The following SEC31B variants were observed in gnomAD, a reference collection of about 807,000 sequenced individuals.
SEC31B encodes the protein SEC31 homolog B, COPII component, also known as protein transport protein Sec31B.
Under a neutral mutation model 135.0 loss-of-function variants are expected in SEC31B, and 113 were observed. That is an observed-to-expected ratio of 0.84 (90% CI 0.72 to 0.98). The LOEUF is 0.98. Among genes scored for constraint, SEC31B ranks in the 50% least tolerant of loss-of-function variants. SEC31B has a pLI of 0.00. For missense variants in SEC31B, 1,296 were observed against 1,421.1 expected (o/e 0.91, Z 1.42); for synonymous variants, 508 against 549.4 (o/e 0.92, Z 1.05).
intron 3 of SEC31B, among the ~76,000 whole-genome samples, chr10:100,510,194 T>C (rs116198196): frequency 2.0e-5 from 3 of 152,182 alleles, no homozygotes; most frequent in Non-Finnish European, 4.4e-5. Flanking sequence ...AACTCTTCTG[T>C]AACTATTAGA....
At chr10:100,489,913 C>T (rs1467521661) in intron 21 of SEC31B, 95 bp downstream of exon 21, 12 of 1,533,934 alleles carry the variant, frequency 7.8e-6, no homozygotes, top group Non-Finnish European at 8.7e-7. Context: ...CCCAACAGGG[C>T]CCTAGCCCTC....
intron 11 of SEC31B, among the ~76,000 whole-genome samples, chr10:100,500,890 G>C (rs1197486639): frequency 2.6e-5 from 4 of 151,982 alleles, no homozygotes; most frequent in Non-Finnish European, 5.9e-5. Context: ...CATCATGATG[G>C]ACAGCTCTTG....
At chr10:100,490,937 T>C (rs1589730139) in intron 19 of SEC31B, 54 bp from the exon 20 acceptor site, 5 of 1,252,500 alleles carry the variant, frequency 4.0e-6, no homozygotes, top group South Asian at 5.8e-5. Context: ...AGGTAAATAA[T>C]AGAAAACAGA....
Position 100,505,365 on chromosome 10 carries a change from A to G in SEC31B, c.1175T>C (p.Phe392Ser), listed in dbSNP as rs777048229. The change falls in exon 10 of 26, where the codon TTT (phenylalanine) becomes TCT (serine). Residue 392 changes from phenylalanine to serine, a missense_variant. Coordinates refer to ENST00000370345, the MANE Select transcript of SEC31B (RefSeq NM_015490.4). ...KWIRRPTGVS[F>S]AFGGKLVTFG... is the part of the protein sequence containing the mutation. The stretch of plus-strand genomic sequence containing the variant: ...CTATACATCCACTACACTTACAGCA[A>G]ATGAAACACCTGTTGGTCTTCTAAT... 2.5e-6 allele frequency: 4 copies of G among 1,613,420 alleles called. No individual in the cohort carries two copies. In the South Asian group the frequency reaches 4.4e-5, roughly 18 times the overall value.
intron 9 of SEC31B, 194 bp from the exon 10 acceptor site, chr10:100,505,689 GACT>G (rs1851616938): frequency 1.1e-6 from 1 of 874,814 alleles, no homozygotes; most frequent in South Asian, 2.6e-5. Flanking sequence ...CTCTTGGAAA[GACT>G]ACTACATTCA....
intron 3 of SEC31B, among the ~76,000 whole-genome samples, chr10:100,515,760 A>G (rs1000240469): frequency 3.3e-5 from 5 of 152,166 alleles, no homozygotes; most frequent in African/African-American, 1.2e-4. Flanking sequence ...AGAGGGTGAT[A>G]TTGTGTAAGG....
At chr10:100,490,393 A>G (rs1851279358) in intron 20 of SEC31B, 71 bp from the exon 21 acceptor site, 1 of 1,436,580 alleles carries the variant, frequency 7.0e-7, no homozygotes, top group Admixed American at 2.6e-5. Context: ...CATATCAGGG[A>G]GAAACAGGAT....
At position 100,507,702 on chromosome 10, in the gene SEC31B, G is replaced by T. The variant is rs1851659467; in HGVS notation, c.640-135C>A. On this transcript the variant is annotated intron_variant, in intron 6 of 25. Coordinates refer to ENST00000370345, the MANE Select transcript of SEC31B (RefSeq NM_015490.4). ...ACAGGCATCAGAGAGTGATGGCCAGGAATAAGTAAGGAATGGCAGAAGCTT... is the reference window on the plus strand; with the variant it reads ...ACAGGCATCAGAGAGTGATGGCCAGTAATAAGTAAGGAATGGCAGAAGCTT... 3.8e-6 allele frequency: 5 copies of T among 1,326,838 alleles called. No individual in the cohort carries two copies. In the South Asian group the frequency reaches 6.6e-5, roughly 18 times the overall value. The allele number at this position is 1,326,838 out of a possible 1,614,324, so 82.2% of individuals were successfully genotyped here.
chr10:100,501,527 ATG>A (rs1168692500), intron 11 of SEC31B: 1 of 152,250 alleles, frequency 6.6e-6, no homozygotes, highest in East Asian at 1.9e-4. Flanking sequence ...AAGCTCTACT[ATG>A]CCTAAAGCTC....
chr10:100,494,162 A>T (rs1475545580), intron 19 of SEC31B, among the ~76,000 whole-genome samples: 2 of 152,134 alleles, frequency 1.3e-5, no homozygotes, highest in Non-Finnish European at 2.9e-5. Flanking sequence ...CTGGCCTCAC[A>T]TCTTAACAGT....
intron 10 of SEC31B, among the ~76,000 whole-genome samples, chr10:100,504,126 C>T (rs182960711): frequency 8.6e-4 from 131 of 152,270 alleles, no homozygotes; most frequent in African/African-American, 3.0e-3. Flanking sequence ...CCGATAAGAA[C>T]GGTTAAGTCC....
intron 10 of SEC31B, among the ~76,000 whole-genome samples, chr10:100,504,138 G>A (rs912175674): frequency 6.6e-6 from 1 of 152,208 alleles, no homozygotes; most frequent in Non-Finnish European, 1.5e-5. Flanking sequence ...GTTAAGTCCT[G>A]AGAGGTTAAA....
chr10:100,493,121 C>G (rs546255373), intron 19 of SEC31B, among the ~76,000 whole-genome samples: 4 of 152,254 alleles, frequency 2.6e-5, no homozygotes, highest in African/African-American at 7.2e-5. Flanking sequence ...TGCCTATAAT[C>G]CCAGCGCTTT....
At position 100,489,300 on chromosome 10, in the gene SEC31B, G is replaced by A. The variant is rs779671177; in HGVS notation, c.3123C>T (p.Ser1041=). ...CTCCTGGGGGAGCATGACTCACACT[G>A]GAGACAGGGGGCTGTGAGGGAAGAA... The part of the protein sequence containing the change: ...QGILPSQPPV[S]SVSHAPPGVP... The change falls in exon 23 of 26, where the codon TCC becomes TCT. Residue 1041 remains serine (S), a synonymous_variant. Coordinates refer to ENST00000370345, the MANE Select transcript of SEC31B (RefSeq NM_015490.4). 9 of 1,613,194 alleles carry A rather than the reference G, an allele frequency of 5.6e-6. No homozygotes were observed. Among genetic ancestry groups the A allele is most frequent in the African/African-American group, 1.3e-5 (1 of 74,890 alleles).
chr10:100,515,119 C>A (rs1465968566), intron 3 of SEC31B, among the ~76,000 whole-genome samples: 1 of 151,352 alleles, frequency 6.6e-6, no homozygotes, highest in Non-Finnish European at 1.5e-5. Context: ...GGCAAAACCC[C>A]ATCTCTTCTA....
chr10:100,508,071 G>A lies in SEC31B; in HGVS notation c.496-20C>T, dbSNP rs748338111. The A allele has an allele frequency of 1.2e-6, 2 of 1,613,740 alleles. No individual in the cohort carries two copies. The highest frequency in any genetic ancestry group is 1.1e-5 in the South Asian group (1 of 91,062). On this transcript the variant is annotated intron_variant, in intron 5 of 25. Coordinates refer to ENST00000370345, the MANE Select transcript of SEC31B (RefSeq NM_015490.4). The stretch of plus-strand genomic sequence containing the variant: ...AGGCTGCTAAGGCAGGATGGGGACA[G>A]AAAGATGACAACTTGTCACCCCCTG...
Position 100,497,180 on chromosome 10 carries a change from C to A in SEC31B, c.2091G>T (p.Glu697Asp). 6.2e-7 allele frequency: 1 copy of A among 1,614,154 alleles called. No individual in the cohort carries two copies. Among genetic ancestry groups the A allele is most frequent in the Non-Finnish European group, 8.5e-7 (1 of 1,180,016 alleles). Residue 697 changes from glutamate to aspartate, a missense_variant, in exon 17 of 26, where the codon GAG becomes GAT. Physicochemically the swap from Glu to Asp is conservative, Grantham distance 45 (BLOSUM62 2). Coordinates refer to ENST00000370345, the MANE Select transcript of SEC31B (RefSeq NM_015490.4). Reference protein sequence around the residue: ...VCSGSVERLVECWAKCHQALS... With the variant: ...VCSGSVERLVDCWAKCHQALS... ...AAGCCTGGTGGCATTTTGCCCAGCA[C>A]TCCACCAGCCGCTCCACACTCCCTG...
At chr10:100,509,128 A>G (rs770358997) in intron 4 of SEC31B, 26 bp from the exon 5 acceptor site, 15 of 1,600,918 alleles carry the variant, frequency 9.4e-6, no homozygotes, top group Non-Finnish European at 6.8e-6. Context: ...GTGTTTGGAG[A>G]CATACCACCC....
At chr10:100,519,218 G>A (rs976407337) in intron 1 of SEC31B, among the ~76,000 whole-genome samples, 5 of 152,196 alleles carry the variant, frequency 3.3e-5, no homozygotes, top group African/African-American at 7.2e-5. Flanking sequence ...TGGGAAAATG[G>A]GCTCTTAATT....
Sources: gnomAD v4.1 joint callset for allele counts (sites outside exome capture counted in the v4.1 genomes callset) on GRCh38, gnomAD v4.1.1 for gene constraint, MANE v1.5 for transcripts, NCBI Gene and HGNC (gene_info 2026-07-23, HGNC 2026-07-21) for gene names.